Variants in C3orf52 observed in about 807,000 individuals in gnomAD.
The protein encoded by C3orf52 is chromosome 3 open reading frame 52, also known as TPA-induced transmembrane protein.
C3orf52 carries 22 observed loss-of-function variants against 24.8 expected under a neutral mutation model. That is an observed-to-expected ratio of 0.89 (90% CI 0.63 to 1.27). The LOEUF is 1.27. C3orf52 is among the 50% of genes most tolerant of loss of function. The probability of loss-of-function intolerance (pLI) is 0.00; values close to 1 mark genes in which losing one functional copy is unlikely to be tolerated. For synonymous variants in C3orf52, 93 were observed against 100.2 expected, an observed-to-expected ratio of 0.93 and a Z score of 0.43; for missense variants, 265 against 260.7, an observed-to-expected ratio of 1.02 and a Z score of -0.11.
intron 1 of C3orf52, among the ~76,000 whole-genome samples, chr3:112,089,598 T>C (rs957352008): frequency 2.0e-5 from 3 of 152,056 alleles, no homozygotes; most frequent in Non-Finnish European, 4.4e-5. Context: ...TGCCACGTGT[T>C]GTTCAGTTTA....
In C3orf52 at chr3:112,110,721, C is replaced by G. The variant is rs557373360; in HGVS notation, c.467+1108C>G. Among the ~76,000 whole-genome samples, 3 of 152,306 alleles carry G rather than the reference C, an allele frequency of 2.0e-5. No homozygotes were observed. In the East Asian group the frequency reaches 5.8e-4, roughly 29 times the overall value. On this transcript the variant is annotated intron_variant, in intron 4 of 5. Coordinates refer to ENST00000264848, the MANE Select transcript of C3orf52 (RefSeq NM_024616.3). ...ATTATCCATTATGCCTGAGATGTCT[C>G]TGGAATATGACCATCAAAAGTTGTA...
chr3:112,102,643 G>C (rs1001906776), intron 2 of C3orf52, among the ~76,000 whole-genome samples, 195 bp from the exon 3 acceptor site: 13 of 152,246 alleles, frequency 8.5e-5, no homozygotes, highest in African/African-American at 2.4e-4. Context: ...TTTTGATAGA[G>C]GCAAACCCCT....
intron 1 of C3orf52, among the ~76,000 whole-genome samples, 194 bp from the exon 2 acceptor site, chr3:112,093,166 G>A (rs2073894720): frequency 6.6e-6 from 1 of 152,176 alleles, no homozygotes; most frequent in Non-Finnish European, 1.5e-5. Flanking sequence ...GCCCCCAGAG[G>A]ATTTTCTTGC....
chr3:112,092,075 G>A (rs761576992), intron 1 of C3orf52, among the ~76,000 whole-genome samples: 3 of 152,156 alleles, frequency 2.0e-5, no homozygotes, highest in African/African-American at 7.2e-5. Flanking sequence ...GGTCAGGAGC[G>A]AGTCTCCTCG....
chr3:112,128,647 A>G (rs2074384176), exon 5 of C3orf52: 1 of 185,508 alleles, frequency 5.4e-6, no homozygotes, highest in Admixed American at 5.4e-5. Flanking sequence ...GAAGATATGA[A>G]TACAGAATGA....
At chr3:112,102,200 G>C (rs111413886) in intron 2 of C3orf52, among the ~76,000 whole-genome samples, 2 of 151,966 alleles carry the variant, frequency 1.3e-5, no homozygotes, top group Non-Finnish European at 2.9e-5. Flanking sequence ...AGTCACCTCT[G>C]TTGTTTGAGT....
exon 5 of C3orf52, chr3:112,128,451 A>G (rs967670933): frequency 2.8e-6 from 1 of 352,908 alleles, no homozygotes; most frequent in East Asian, 7.1e-5. Flanking sequence ...TCAGTATTTT[A>G]CTATATTCTG....
intron 4 of C3orf52, among the ~76,000 whole-genome samples, chr3:112,126,216 G>A (rs1388967690): frequency 6.6e-6 from 1 of 152,154 alleles, no homozygotes; most frequent in Admixed American, 6.5e-5. Context: ...GCTAGGGTGG[G>A]AGGCTGTATT....
At chr3:112,093,306 G>A (rs1038215664) in intron 1 of C3orf52, 54 bp from the exon 2 acceptor site, 29 of 1,599,522 alleles carry the variant, frequency 1.8e-5, no homozygotes, top group Middle Eastern at 1.7e-4. Flanking sequence ...TAGGTATTCA[G>A]AACTGTCTGT....
chr3:112,128,246 C>T, exon 5 of C3orf52: 1 of 702,036 alleles, frequency 1.4e-6, no homozygotes, highest in Non-Finnish European at 2.6e-6. Context: ...GAAGATGATA[C>T]TATCAAATTC....
At chr3:112,127,909 A>G (rs2074365684) in intron 4 of C3orf52, 1 of 843,002 alleles carries the variant, frequency 1.2e-6, no homozygotes, top group African/African-American at 1.7e-5. Context: ...TATCTGGGCT[A>G]CTGACAGGCT....
chr3:112,088,213 A>G (rs935421824), intron 1 of C3orf52, among the ~76,000 whole-genome samples: 1 of 152,216 alleles, frequency 6.6e-6, no homozygotes, highest in African/African-American at 2.4e-5. Flanking sequence ...GAGTGTGTTC[A>G]AGGAATGCCT....
At chr3:112,112,581 G>A (rs1015556083) in intron 4 of C3orf52, 2 of 253,194 alleles carry the variant, frequency 7.9e-6, no homozygotes, top group Admixed American at 4.7e-5. Context: ...GAATGTGTGT[G>A]GAGAAAAGGG....
downstream of C3orf52, chr3:112,119,372 TAAC>T (rs1394383759): frequency 1.5e-5 from 10 of 681,538 alleles, no homozygotes; most frequent in Non-Finnish European, 2.4e-5. Flanking sequence ...TGAAACTCCA[TAAC>T]AAACAAACAA....
At chr3:112,131,762 G>T (rs564037259), downstream of C3orf52, among the ~76,000 whole-genome samples, 2 of 152,190 alleles carry the variant, frequency 1.3e-5, no homozygotes, top group Non-Finnish European at 2.9e-5. Flanking sequence ...CAAAACTTAT[G>T]TGAGTTGATT....
chr3:112,102,041 G>A (rs1028317794), intron 2 of C3orf52, among the ~76,000 whole-genome samples: 1 of 152,162 alleles, frequency 6.6e-6, no homozygotes, highest in African/African-American at 2.4e-5. Flanking sequence ...TGCACACCCT[G>A]GGGCTCTGAA....
intron 1 of C3orf52, among the ~76,000 whole-genome samples, chr3:112,090,949 T>C (rs953785393): frequency 1.3e-5 from 2 of 152,220 alleles, no homozygotes; most frequent in Admixed American, 6.5e-5. Context: ...TTTTCCCGTG[T>C]GGCTTCCCCT....
intron 1 of C3orf52, 135 bp downstream of exon 1, chr3:112,086,680 A>T: frequency 8.6e-7 from 1 of 1,158,348 alleles, no homozygotes; most frequent in South Asian, 1.5e-5. Context: ...GGCGCGCTCG[A>T]GTGCTCTGAA....
chr3:112,128,956 A>G (rs992921333), downstream of C3orf52: 2 of 152,230 alleles, frequency 1.3e-5, no homozygotes, highest in African/African-American at 4.8e-5. Flanking sequence ...GAGCTTTCCC[A>G]TGAAGTTTCA....
Sources: gnomAD v4.1 joint callset for allele counts (sites outside exome capture counted in the v4.1 genomes callset) on GRCh38, gnomAD v4.1.1 for gene constraint, MANE v1.5 for transcripts, NCBI Gene and HGNC (gene_info 2026-07-23, HGNC 2026-07-21) for gene names.